Variants in OAT observed in about 807,000 individuals in gnomAD.
OAT encodes the protein ornithine aminotransferase, mitochondrial.
Under a neutral mutation model 48.4 loss-of-function variants are expected in OAT, and 35 were observed. The observed-to-expected ratio is 0.72, with a 90% CI of 0.55 to 0.96. OAT has a LOEUF of 0.96. OAT is among the 40% of genes least tolerant of loss of function. The pLI, the probability that OAT is intolerant of heterozygous loss-of-function variation, is 0.00. For missense variants in OAT, 438 were observed against 537.9 expected, an observed-to-expected ratio of 0.81 and a Z score of 1.84; for synonymous variants, 182 against 198.4, an observed-to-expected ratio of 0.92 and a Z score of 0.70.
intron 2 of OAT, among the ~76,000 whole-genome samples, chr10:124,411,244 A>G (rs1387626174): frequency 6.6e-6 from 1 of 151,168 alleles, no homozygotes; most frequent in Non-Finnish European, 1.5e-5. Context: ...GCGGGGGGAG[A>G]AGAGAAGGGA....
intron 2 of OAT, among the ~76,000 whole-genome samples, chr10:124,411,610 G>C (rs1191025508): frequency 6.6e-6 from 1 of 152,132 alleles, no homozygotes; most frequent in South Asian, 2.1e-4. Flanking sequence ...AAAGTCAGGA[G>C]TCTGAGACCA....
At chr10:124,406,589 G>A (rs1328262705) in intron 4 of OAT, among the ~76,000 whole-genome samples, 1 of 151,946 alleles carries the variant, frequency 6.6e-6, no homozygotes, top group Non-Finnish European at 1.5e-5. Flanking sequence ...GCCGAGGCAG[G>A]CAGAACACAT....
chr10:124,397,499 C>T lies in OAT; in HGVS notation c.*443G>A, dbSNP rs1951265978. On this transcript the variant is annotated 3_prime_UTR_variant, in exon 10 of 10. Coordinates refer to ENST00000368845, the MANE Select transcript of OAT (RefSeq NM_000274.4). ...ACTTAATATTAGTATTTTATATACA[C>T]TTAACCATTAATCCTTCCTAAAATT... 2 of 164,860 alleles carry T rather than the reference C, an allele frequency of 1.2e-5. No individual in the cohort carries two copies. Among genetic ancestry groups the T allele is most frequent in the Admixed American group, 1.2e-4 (2 of 17,086 alleles). 10.2% of individuals were successfully genotyped at this position (164,860 alleles called of 1,614,324 possible).
intron 1 of OAT, among the ~76,000 whole-genome samples, chr10:124,416,499 C>T (rs1259388373): frequency 6.6e-6 from 1 of 152,168 alleles, no homozygotes; most frequent in African/African-American, 2.4e-5. Context: ...AGGCAGCTAT[C>T]ATGCATCTAC....
At chr10:124,398,254 T>C in intron 9 of OAT, 152 bp from the exon 10 acceptor site, 1 of 821,936 alleles carries the variant, frequency 1.2e-6, no homozygotes, top group East Asian at 2.7e-5. Context: ...CTTATGCCTG[T>C]AATCCCAGCA....
Position 124,409,012 on chromosome 10 carries a change from G to A in OAT, c.200-47C>T, listed in dbSNP as rs57705290. ...AATAATTTTAGACAATTACTATACG[G>A]CATAAAGTCCAAAAATTAAGAGTGC... On this transcript the variant is annotated intron_variant, in intron 2 of 9. Coordinates refer to ENST00000368845, the MANE Select transcript of OAT (RefSeq NM_000274.4). 1,939 of 1,464,360 alleles carry A rather than the reference G, an allele frequency of 1.3e-3. 9 individuals carry two copies. In the African/African-American group the frequency reaches 0.017, roughly 13 times the overall value. The allele number at this position is 1,464,360 out of a possible 1,614,324, so 90.7% of individuals were successfully genotyped here.
chr10:124,408,254 T>C (rs1244464874), intron 4 of OAT, among the ~76,000 whole-genome samples: 1 of 149,250 alleles, frequency 6.7e-6, no homozygotes, highest in Non-Finnish European at 1.5e-5. Context: ...TTTACACATA[T>C]ATATATGTTT....
chr10:124,412,258 C>A, intron 1 of OAT, 58 bp from the exon 2 acceptor site: 1 of 1,368,828 alleles, frequency 7.3e-7, no homozygotes, highest in South Asian at 1.2e-5. Flanking sequence ...TGCCTATAAT[C>A]TCAGCACTTT....
rs759979499 is a variant in OAT at position 124,402,928 on chromosome 10, G to C, written c.899C>G (p.Pro300Arg). ...AAAGAGGGGGAACATGAAACTTACA[G>C]GGTATAAGCCCCCAGAAAGGGCCTT... ...LGKALSGGLYPVSAVLCDDDI... is the reference protein window; with the variant it reads ...LGKALSGGLYRVSAVLCDDDI... Residue 300 changes from proline (P) to arginine (R), a missense_variant and splice_region_variant, in exon 7 of 10, where the codon CCT becomes CGT. Pro to Arg is a moderately radical substitution (Grantham distance 103). Coordinates refer to ENST00000368845, the MANE Select transcript of OAT (RefSeq NM_000274.4). The C allele has an allele frequency of 2.5e-6, 4 of 1,613,598 alleles. No homozygotes were observed. The African/African-American group carries it at 4.0e-5, about 16-fold the overall frequency.
At chr10:124,411,521 A>G (rs1024847251) in intron 2 of OAT, among the ~76,000 whole-genome samples, 4 of 152,212 alleles carry the variant, frequency 2.6e-5, no homozygotes, top group African/African-American at 4.8e-5. Flanking sequence ...TAGACACTCA[A>G]TAAATGAATT....
rs572112462 is a variant in OAT, at chr10:124,406,199, T to C, written c.521-636A>G. 22 of 873,362 alleles carry C rather than the reference T, an allele frequency of 2.5e-5. No homozygotes were observed. The African/African-American group carries it at 3.4e-4, about 14-fold the overall frequency. The allele number at this position is 873,362 out of a possible 1,614,324, so 54.1% of individuals were successfully genotyped here. On this transcript the variant is annotated intron_variant, in intron 4 of 9. Transcript: ENST00000368845. ...ACTATGTCAGGCATTGTTTTAGATG[T>C]TGGGGAATAGACCAGGCACAGTGGC...
rs1329860289 is a variant in OAT at position 124,403,137 on chromosome 10, C to A, written c.772-82G>T. ...TAGCCATCCTTATTTCACTGTCCCCCCACCAACAATAAATGTGTAATTCTG... is the reference window on the plus strand; with the variant it reads ...TAGCCATCCTTATTTCACTGTCCCCACACCAACAATAAATGTGTAATTCTG... On this transcript the variant is annotated intron_variant, in intron 6 of 9. Transcript: ENST00000368845. 5 of 1,465,312 alleles carry A rather than the reference C, an allele frequency of 3.4e-6. No individual in the cohort carries two copies. The South Asian group carries it at 4.6e-5, about 13-fold the overall frequency. 90.8% of individuals were successfully genotyped at this position (1,465,312 alleles called of 1,614,324 possible). A position where few individuals can be genotyped will look rare whatever the true frequency, so the allele number is the denominator to read the frequency against.
intron 1 of OAT, chr10:124,414,376 A>T (rs1951851560): frequency 6.6e-6 from 1 of 152,236 alleles, no homozygotes; most frequent in Non-Finnish European, 1.5e-5. Flanking sequence ...GGTTCAGTCT[A>T]GAATACAGAT....
At chr10:124,409,034 G>GGGCT in intron 2 of OAT, 69 bp from the exon 3 acceptor site, 6 of 1,150,766 alleles carry the variant, frequency 5.2e-6, no homozygotes, top group Non-Finnish European at 6.4e-6. Flanking sequence ...AAAATTAAGA[G>GGGCT]TGCTAGCAAG....
At chr10:124,407,067 C>T (rs1453535720) in intron 4 of OAT, 4 of 985,410 alleles carry the variant, frequency 4.1e-6, no homozygotes, top group Non-Finnish European at 4.8e-6. Context: ...GCTGGATTAT[C>T]GTATTTTGGC....
Position 124,408,768 on chromosome 10 carries a change from A to C in OAT, c.397T>G (p.Tyr133Asp). The change falls in exon 3 of 10, where the codon TAC (tyrosine) becomes GAC (aspartate). Residue 133 changes from tyrosine to aspartate, a missense_variant. Physicochemically the swap from Tyr to Asp is radical, Grantham distance 160 (BLOSUM62 -3). Coordinates refer to ENST00000368845, the MANE Select transcript of OAT (RefSeq NM_000274.4). ...GTATTCATAGGAAGAACTTTGTGGT[A>C]GTTGAAAAGTTTAGTAATATACTCC... ...YEEYITKLFNYHKVLPMNTGV... is the reference protein window; with the variant it reads ...YEEYITKLFNDHKVLPMNTGV... The C allele has an allele frequency of 5.6e-6, 9 of 1,609,982 alleles. No homozygotes were observed. Among genetic ancestry groups the C allele is most frequent in the Non-Finnish European group, 7.6e-6 (9 of 1,177,304 alleles).
chr10:124,403,654 A>G (rs1350627423), intron 6 of OAT, 144 bp downstream of exon 6: 5 of 1,174,994 alleles, frequency 4.3e-6, no homozygotes, highest in Non-Finnish European at 6.2e-6. Flanking sequence ...TTAGAATGCC[A>G]TCGCCCTCTA....
chr10:124,398,531 A>G (rs1589693286), intron 9 of OAT, among the ~76,000 whole-genome samples: 1 of 151,880 alleles, frequency 6.6e-6, no homozygotes, highest in African/African-American at 2.4e-5. Flanking sequence ...GGAAGCTTGG[A>G]GCTGCAAGCT....
intron 4 of OAT, chr10:124,406,107 T>C (rs941156414): frequency 1.1e-4 from 105 of 985,064 alleles, no homozygotes; most frequent in Admixed American, 1.2e-4. Context: ...TTTATGATGC[T>C]AAATGACAGA....
Sources: gnomAD v4.1 joint callset for allele counts (sites outside exome capture counted in the v4.1 genomes callset) on GRCh38, gnomAD v4.1.1 for gene constraint, MANE v1.5 for transcripts, NCBI Gene and HGNC (gene_info 2026-07-23, HGNC 2026-07-21) for gene names.